TAF11: variants seen among roughly 807,000 people sequenced by gnomAD.
TAF11 encodes transcription initiation factor TFIID subunit 11.
Under a neutral mutation model 23.0 loss-of-function variants are expected in TAF11, and 10 were observed. That is an observed-to-expected ratio of 0.43 (90% CI 0.27 to 0.74). The LOEUF (loss-of-function observed/expected upper bound fraction) is 0.74, where lower values mean the gene tolerates loss of function less well. Among genes scored for constraint, TAF11 ranks in the 30% least tolerant of loss-of-function variants. TAF11 has a pLI of 0.19. For missense variants in TAF11, 196 were observed against 261.7 expected (o/e 0.75, Z 1.73); for synonymous variants, 85 against 95.8 (o/e 0.89, Z 0.66).
Position 34,878,719 on chromosome 6 carries a change from T to A in TAF11, c.507A>T (p.Ala169=). ...CTCCCCACTTCTCACACACATCCAG[T>A]GCTAAACAGAGGGTAAGGAGAAAGT... ...KVFVGEVVEE[A]LDVCEKWGEM... The change falls in exon 5 of 5, where the codon GCA becomes GCT. Residue 169 remains alanine, a splice_region_variant and synonymous_variant. Transcript: ENST00000361288. The A allele has an allele frequency of 6.2e-7, 1 of 1,613,908 alleles. No individual in the cohort carries two copies.
chr6:34,881,327 C>T (rs1766420199), intron 2 of TAF11, among the ~76,000 whole-genome samples: 1 of 152,160 alleles, frequency 6.6e-6, no homozygotes, highest in African/African-American at 2.4e-5. Flanking sequence ...TATCAAACAT[C>T]TAAAAAAACT....
rs1471215359 is a variant in TAF11, at chr6:34,880,112, T to A, written c.409-49A>T. 6.3e-7 allele frequency: 1 copy of A among 1,587,344 alleles called. No individual in the cohort carries two copies. The highest frequency in any genetic ancestry group is 1.3e-5 in the African/African-American group (1 of 74,432). On this transcript the variant is annotated intron_variant, in intron 3 of 4. Transcript: ENST00000361288. The surrounding 1 kb of genome is among the most constrained non-coding windows in gnomAD (Gnocchi z 4.8). ...GTGATCACAATAGTCAAAGACTGGC[T>A]TTGGAACACAGTACCAAGTAATTCA...
In TAF11 at chr6:34,880,035, A is replaced by G; in HGVS notation, c.437T>C (p.Val146Ala). 1.9e-6 allele frequency: 3 copies of G among 1,614,204 alleles called. No homozygotes were observed. The highest frequency in any genetic ancestry group is 2.5e-6 in the Non-Finnish European group (3 of 1,180,024). Residue 146 changes from valine to alanine, a missense_variant, in exon 4 of 5, where the codon GTG becomes GCG. Coordinates refer to ENST00000361288, the MANE Select transcript of TAF11 (RefSeq NM_005643.4). This position sits in a 1 kb window ranked among gnomAD's most constrained non-coding sequence, Gnocchi z 4.8. ...CATAGCAATAACAACATTCTGAGAC[A>G]CAGAGGTGCCAGTGATGGACTGGAT... The part of the protein sequence containing the change: ...RLIQSITGTS[V>A]SQNVVIAMSG...
chr6:34,879,040 A>T (rs1040948331), intron 4 of TAF11, among the ~76,000 whole-genome samples: 3 of 152,090 alleles, frequency 2.0e-5, no homozygotes, highest in Non-Finnish European at 4.4e-5. Flanking sequence ...CCTTGTCTCT[A>T]CAAAAAATTA....
intron 1 of TAF11, among the ~76,000 whole-genome samples, chr6:34,883,496 G>A (rs770383701): frequency 1.9e-4 from 29 of 152,124 alleles, no homozygotes; most frequent in Non-Finnish European, 3.8e-4. Flanking sequence ...GATTCCACAT[G>A]GAAAGAATAT....
chr6:34,879,274 T>G, intron 4 of TAF11: 1 of 529,712 alleles, frequency 1.9e-6, no homozygotes. Flanking sequence ...TCCCAGCTAC[T>G]TGGGAGGCTG....
Position 34,878,275 on chromosome 6 carries a change from C to T in TAF11, c.*315G>A, listed in dbSNP as rs149774843. Reference sequence around the variant, plus strand: ...CGAAACCAAAACAAAACAAAACTCTCTTGGAAAGGTTTTCTCTCTGAAAGC... The same window carrying T: ...CGAAACCAAAACAAAACAAAACTCTTTTGGAAAGGTTTTCTCTCTGAAAGC... On this transcript the variant is annotated 3_prime_UTR_variant, in exon 5 of 5. Coordinates refer to ENST00000361288, the MANE Select transcript of TAF11 (RefSeq NM_005643.4). 2 of 263,454 alleles carry T rather than the reference C, an allele frequency of 7.6e-6. No individual in the cohort carries two copies. The highest frequency in any genetic ancestry group is 1.7e-4 in the South Asian group (2 of 11,710). 16.3% of individuals were successfully genotyped at this position (263,454 alleles called of 1,614,324 possible). A position where few individuals can be genotyped will look rare whatever the true frequency, so the allele number is the denominator to read the frequency against.
chr6:34,881,385 T>C (rs1452927304), intron 2 of TAF11, among the ~76,000 whole-genome samples: 1 of 152,200 alleles, frequency 6.6e-6, no homozygotes, highest in Non-Finnish European at 1.5e-5. Flanking sequence ...ATACTTAGAG[T>C]GAACTCTGCG....
At chr6:34,878,751 A>T in intron 4 of TAF11, 31 bp from the exon 5 acceptor site, 1 of 1,581,276 alleles carries the variant, frequency 6.3e-7, no homozygotes. Flanking sequence ...AAGTCTGATT[A>T]TCACACAATA....
Position 34,880,096 on chromosome 6 carries a change from A to G in TAF11, c.409-33T>C, listed in dbSNP as rs766176770. The G allele has an allele frequency of 3.8e-6, 6 of 1,599,166 alleles. No homozygotes were observed. In the South Asian group the frequency reaches 5.5e-5, roughly 15 times the overall value. The stretch of plus-strand genomic sequence containing the variant: ...GAAGCACAAAGACTCCGTGATCACA[A>G]TAGTCAAAGACTGGCTTTGGAACAC... On this transcript the variant is annotated intron_variant, in intron 3 of 4. Transcript: ENST00000361288. This position sits in a 1 kb window ranked among gnomAD's most constrained non-coding sequence, Gnocchi z 4.8.
At position 34,878,672 on chromosome 6, in the gene TAF11, T is replaced by A; in HGVS notation, c.554A>T (p.Lys185Ile). ...CCTTCTAACGGCTTCCCTCATATGT[T>A]TGGGTTGTAGTGGTGGCATTTCTCC... ...KWGEMPPLQPKHMREAVRRLK... is the reference protein window; with the variant it reads ...KWGEMPPLQPIHMREAVRRLK... Residue 185 changes from lysine to isoleucine, a missense_variant, in exon 5 of 5, where the codon AAA (lysine) becomes ATA (isoleucine). Coordinates refer to ENST00000361288, the MANE Select transcript of TAF11 (RefSeq NM_005643.4). The A allele has an allele frequency of 1.2e-6, 2 of 1,614,120 alleles. No individual in the cohort carries two copies. Among genetic ancestry groups the A allele is most frequent in the Non-Finnish European group, 1.7e-6 (2 of 1,179,998 alleles).
At chr6:34,881,027 A>G (rs1281896076) in intron 2 of TAF11, among the ~76,000 whole-genome samples, 1 of 152,214 alleles carries the variant, frequency 6.6e-6, no homozygotes, top group Admixed American at 6.5e-5. Context: ...AGTGAACTGG[A>G]ACACCTTTTT....
In TAF11 at chr6:34,878,611, G is replaced by A. The variant is rs775935867; in HGVS notation, c.615C>T (p.His205=). 1 of 1,594,776 alleles carries A rather than the reference G, an allele frequency of 6.3e-7. No individual in the cohort carries two copies. The highest frequency in any genetic ancestry group is 1.1e-5 in the South Asian group (1 of 90,682). Residue 205 remains histidine, a synonymous_variant, in exon 5 of 5, where the codon CAC becomes CAT. Coordinates refer to ENST00000361288, the MANE Select transcript of TAF11 (RefSeq NM_005643.4). Reference sequence around the variant, plus strand: ...TGGTCTAGAAGAAGATGATTTTTTTGTGCTTCGAGTTAGGGATCTGTCCTT... The same window carrying A: ...TGGTCTAGAAGAAGATGATTTTTTTATGCTTCGAGTTAGGGATCTGTCCTT... ...KSKGQIPNSK[H]KKIIFF
At chr6:34,887,175 G>T (rs1420224595) in intron 1 of TAF11, among the ~76,000 whole-genome samples, 1 of 152,098 alleles carries the variant, frequency 6.6e-6, no homozygotes, top group Non-Finnish European at 1.5e-5. Context: ...GGTGGTGTGC[G>T]CCTGTAATCC....
intron 1 of TAF11, among the ~76,000 whole-genome samples, chr6:34,885,546 A>C (rs951985385): frequency 1.3e-5 from 2 of 152,172 alleles, no homozygotes; most frequent in African/African-American, 4.8e-5. Flanking sequence ...GGTCTGGTAC[A>C]TGATCGATTT....
Position 34,878,629 on chromosome 6 carries a change from C to T in TAF11, c.597G>A (p.Gln199=), listed in dbSNP as rs1356396554. 1.9e-6 allele frequency: 3 copies of T among 1,612,608 alleles called. No individual in the cohort carries two copies. Among genetic ancestry groups the T allele is most frequent in the Non-Finnish European group, 2.5e-6 (3 of 1,178,748 alleles). ...TTTTTTTGTGCTTCGAGTTAGGGAT[C>T]TGTCCTTTTGACTTTAACCTTCTAA... is the stretch of plus-strand genomic sequence containing the variant. ...EAVRRLKSKG[Q]IPNSKHKKII... Residue 199 remains glutamine (Q), a synonymous_variant, in exon 5 of 5, where the codon CAG becomes CAA. Coordinates refer to ENST00000361288, the MANE Select transcript of TAF11 (RefSeq NM_005643.4).
chr6:34,879,488 A>G (rs1766379443), intron 4 of TAF11: 1 of 974,416 alleles, frequency 1.0e-6, no homozygotes, highest in Non-Finnish European at 1.2e-6. Context: ...AATAATAATA[A>G]TTTAAAAGTA....
Position 34,882,979 on chromosome 6 carries a change from CT to C in TAF11, c.272del (p.Lys91ArgfsTer8). On this transcript the variant is annotated frameshift_variant, in exon 2 of 5. Coordinates refer to ENST00000361288, the MANE Select transcript of TAF11 (RefSeq NM_005643.4). LOFTEE classifies it high-confidence loss of function. ...CATCTACTTTCTGCTTTTTCTCTTT[CT>C]TTTCTTTGGTATCTATTTTCAGTTT... ...AKKLKIDTKE[K>X]KEKKQKVDED... is the part of the protein sequence containing the mutation. 6.2e-7 allele frequency: 1 copy of C among 1,609,452 alleles called. No homozygotes were observed. Among genetic ancestry groups the C allele is most frequent in the Non-Finnish European group, 8.5e-7 (1 of 1,178,592 alleles).
At position 34,880,554 on chromosome 6, in the gene TAF11, C is replaced by A. The variant is rs536089826; in HGVS notation, c.321-178G>T. Among the ~76,000 whole-genome samples, 1 of 152,146 alleles carries A rather than the reference C, an allele frequency of 6.6e-6. No homozygotes were observed. The highest frequency in any genetic ancestry group is 1.5e-5 in the Non-Finnish European group (1 of 68,010). ...TCTACTCCAAAGGAATTTGAGAAAA[C>A]GTAAAACAAAAACTTCTTTTCTTAC... On this transcript the variant is annotated intron_variant, in intron 2 of 4. Transcript: ENST00000361288. The surrounding 1 kb of genome is among the most constrained non-coding windows in gnomAD (Gnocchi z 4.8).
Sources: gnomAD v4.1 joint callset for allele counts (sites outside exome capture counted in the v4.1 genomes callset) on GRCh38, gnomAD v4.1.1 for gene constraint, Gnocchi (gnomAD v3.1) non-coding constraint, MANE v1.5 for transcripts, NCBI Gene and HGNC (gene_info 2026-07-23, HGNC 2026-07-21) for gene names.